The following LRP1B variants were observed in gnomAD, a reference collection of about 807,000 sequenced individuals.
The protein encoded by LRP1B is low-density lipoprotein receptor-related protein 1B.
A neutral mutation model predicts 556.6 loss-of-function variants in LRP1B; 217 were observed. The observed-to-expected ratio is 0.39, with a 90% CI of 0.35 to 0.44. The LOEUF is 0.44. Ranked by LOEUF, LRP1B falls within the 20% of genes least tolerant of loss-of-function variation. The pLI, the probability that LRP1B is intolerant of heterozygous loss-of-function variation, is 1.00. For synonymous variants in LRP1B, 2,047 were observed against 1,865.8 expected, an observed-to-expected ratio of 1.10 and a Z score of -2.50; for missense variants, 5,053 against 5,620.8, an observed-to-expected ratio of 0.90 and a Z score of 3.23.
intron 86 of LRP1B, chr2:140,269,499 C>T (rs939363797): frequency 1.3e-4 from 51 of 395,596 alleles, no homozygotes; most frequent in South Asian, 9.0e-4. Context: ...CCCAGATATG[C>T]GCACTTCTCT....
At chr2:141,290,671 A>T (rs570844321) in intron 3 of LRP1B, among the ~76,000 whole-genome samples, 18 of 152,276 alleles carry the variant, frequency 1.2e-4, no homozygotes, top group Non-Finnish European at 2.6e-4. Flanking sequence ...AGCATGTATC[A>T]ATGGTTCAGT....
chr2:141,033,332 A>G (rs1462406249), intron 11 of LRP1B, among the ~76,000 whole-genome samples: 1 of 151,978 alleles, frequency 6.6e-6, no homozygotes, highest in Non-Finnish European at 1.5e-5. Context: ...AGCGCTAAGA[A>G]CTTATTTTGA....
At chr2:141,296,901 C>T (rs1362370137) in intron 3 of LRP1B, among the ~76,000 whole-genome samples, 1 of 152,134 alleles carries the variant, frequency 6.6e-6, no homozygotes, top group African/African-American at 2.4e-5. Flanking sequence ...TTGTTCCCAT[C>T]TTAATGACTA....
chr2:141,086,007 C>G (rs1020879844), intron 7 of LRP1B, among the ~76,000 whole-genome samples: 1 of 152,120 alleles, frequency 6.6e-6, no homozygotes, highest in Non-Finnish European at 1.5e-5. Context: ...ACTACACAGG[C>G]AATATTGGTA....
chr2:141,864,681 A>G (rs1698349832), intron 1 of LRP1B, among the ~76,000 whole-genome samples: 1 of 152,178 alleles, frequency 6.6e-6, no homozygotes. Context: ...GGAGATCAAG[A>G]CCATCCTGGC....
chr2:141,601,599 T>TTTCC (rs59436887), intron 2 of LRP1B, among the ~76,000 whole-genome samples: 27,792 of 140,446 alleles, frequency 0.2, 3,186 homozygotes, highest in Non-Finnish European at 0.23. Context: ...GTAGCACTCC[T>TTTCC]TTCCTTCCTT....
chr2:140,744,978 C>T (rs1441556741), intron 35 of LRP1B, among the ~76,000 whole-genome samples: 6 of 152,016 alleles, frequency 3.9e-5, no homozygotes, highest in African/African-American at 1.5e-4. Flanking sequence ...CAAAACAGTA[C>T]TAATATTGGA....
chr2:141,834,551 T>C (rs148674832), intron 1 of LRP1B, among the ~76,000 whole-genome samples: 1 of 151,964 alleles, frequency 6.6e-6, no homozygotes, highest in East Asian at 1.9e-4. Context: ...AAAATTTCAG[T>C]TGGAAAGCTA....
At chr2:141,931,487 C>T (rs887109516) in intron 1 of LRP1B, among the ~76,000 whole-genome samples, 23 of 151,932 alleles carry the variant, frequency 1.5e-4, no homozygotes, top group African/African-American at 4.1e-4. Context: ...AGAGAAAGAA[C>T]GCTTCTAAGA....
At chr2:142,108,072 G>A (rs1706820806) in intron 1 of LRP1B, among the ~76,000 whole-genome samples, 1 of 150,488 alleles carries the variant, frequency 6.6e-6, no homozygotes, top group African/African-American at 2.4e-5. Flanking sequence ...TGGGTACTTA[G>A]GGCTACAGAT....
chr2:141,124,634 G>T (rs1701152368), intron 7 of LRP1B, among the ~76,000 whole-genome samples: 1 of 134,498 alleles, frequency 7.4e-6, no homozygotes, highest in African/African-American at 2.9e-5. Flanking sequence ...GAAATTCTGT[G>T]TACATCATTG....
chr2:140,277,814 C>T (rs544368383), intron 84 of LRP1B, among the ~76,000 whole-genome samples: 1 of 151,928 alleles, frequency 6.6e-6, no homozygotes, highest in Admixed American at 6.6e-5. Flanking sequence ...ATTTGGAAAA[C>T]GGTTGGCAAT....
At position 141,950,886 on chromosome 2, in the gene LRP1B, T is replaced by C. The variant is rs191619951; in HGVS notation, c.83-140485A>G. Among the ~76,000 whole-genome samples, 43 of 152,252 alleles carry C rather than the reference T, an allele frequency of 2.8e-4. No individual in the cohort carries two copies. In the East Asian group the frequency reaches 7.0e-3, roughly 25 times the overall value. ...ATATATTGTATGCCTAAATCTTTGATAAACAAAGAAATCAGTTGGTATCCT... is the reference window on the plus strand; with the variant it reads ...ATATATTGTATGCCTAAATCTTTGACAAACAAAGAAATCAGTTGGTATCCT... On this transcript the variant is annotated intron_variant, in intron 1 of 90. Transcript: ENST00000389484.
intron 43 of LRP1B, among the ~76,000 whole-genome samples, chr2:140,581,110 C>T (rs1403604875): frequency 6.6e-6 from 1 of 152,124 alleles, no homozygotes; most frequent in Non-Finnish European, 1.5e-5. Flanking sequence ...TGCATCATTG[C>T]TTTTATTTAC....
chr2:140,857,356 G>A (rs974850050), intron 27 of LRP1B, among the ~76,000 whole-genome samples: 6 of 151,982 alleles, frequency 3.9e-5, no homozygotes, highest in Non-Finnish European at 8.8e-5. Flanking sequence ...AATTACTCTT[G>A]TAATAAAATA....
chr2:140,352,124 T>C (rs1286295285), intron 76 of LRP1B, among the ~76,000 whole-genome samples: 1 of 152,112 alleles, frequency 6.6e-6, no homozygotes, highest in Non-Finnish European at 1.5e-5. Context: ...TATTAAAATC[T>C]ATACCTACAA....
chr2:141,787,804 T>C (rs1284744830), intron 2 of LRP1B, among the ~76,000 whole-genome samples: 1 of 151,922 alleles, frequency 6.6e-6, no homozygotes, highest in Non-Finnish European at 1.5e-5. Flanking sequence ...TGGCTACATA[T>C]ACTTACAATG....
At chr2:140,767,256 C>T (rs1157886140) in intron 35 of LRP1B, among the ~76,000 whole-genome samples, 8 of 152,012 alleles carry the variant, frequency 5.3e-5, no homozygotes, top group African/African-American at 1.9e-4. Flanking sequence ...ATTCTGTATG[C>T]TTGCATCCCT....
chr2:141,484,094 T>C (rs181060233), intron 2 of LRP1B, among the ~76,000 whole-genome samples: 7 of 152,240 alleles, frequency 4.6e-5, no homozygotes, highest in Admixed American at 3.9e-4. Flanking sequence ...TTTATGGTTT[T>C]AGGTCTATCA....
Sources: allele counts gnomAD v4.1 joint callset (sites outside exome capture counted in the v4.1 genomes callset), GRCh38; gene constraint gnomAD v4.1.1; transcripts MANE v1.5; gene names NCBI Gene and HGNC (gene_info 2026-07-23, HGNC 2026-07-21).